Variants in ADAMTSL3 observed in about 807,000 individuals in gnomAD.
The protein encoded by ADAMTSL3 is ADAMTS like 3, also known as ADAMTS-like protein 3.
ADAMTSL3 carries 128 observed loss-of-function variants against 201.7 expected under a neutral mutation model. The ratio of observed to expected loss-of-function variants is 0.63; its 90% CI spans 0.55 to 0.73. The LOEUF (loss-of-function observed/expected upper bound fraction) is 0.73. ADAMTSL3 is among the 30% of genes least tolerant of loss of function. The pLI is 0.00. For missense variants in ADAMTSL3, 1,990 were observed against 2,119.6 expected, an observed-to-expected ratio of 0.94 and a Z score of 1.20; for synonymous variants, 738 against 748.4, an observed-to-expected ratio of 0.99 and a Z score of 0.23.
At chr15:83,959,849 C>T (rs933584288) in intron 19 of ADAMTSL3, among the ~76,000 whole-genome samples, 2 of 152,154 alleles carry the variant, frequency 1.3e-5, no homozygotes, top group Non-Finnish European at 1.5e-5. Context: ...ACTTAGCAGA[C>T]ACACAGTCAC....
intron 2 of ADAMTSL3, among the ~76,000 whole-genome samples, chr15:83,702,553 G>A (rs1370453965): frequency 6.6e-6 from 1 of 152,184 alleles, no homozygotes; most frequent in Admixed American, 6.5e-5. Flanking sequence ...TGTCCCAGCT[G>A]CTCCAGCTAT....
At chr15:83,661,188 T>G (rs898470078) in intron 2 of ADAMTSL3, among the ~76,000 whole-genome samples, 10 of 152,196 alleles carry the variant, frequency 6.6e-5, no homozygotes, top group African/African-American at 1.9e-4. Context: ...ACTGTAGCCT[T>G]GTAGTATAGT....
At chr15:83,999,232 A>G (rs1399808404) in intron 23 of ADAMTSL3, among the ~76,000 whole-genome samples, 2 of 152,244 alleles carry the variant, frequency 1.3e-5, no homozygotes, top group Non-Finnish European at 2.9e-5. Context: ...TCATTGTGTG[A>G]ATGTAGCATA....
At chr15:83,780,077 A>G in intron 4 of ADAMTSL3, among the ~76,000 whole-genome samples, 1 of 152,136 alleles carries the variant, frequency 6.6e-6, no homozygotes. Flanking sequence ...AATAAATCAG[A>G]GCTGAACTGA....
In ADAMTSL3 at chr15:83,820,119, T is replaced by C. The variant is rs142708568; in HGVS notation, c.600+72T>C. On this transcript the variant is annotated intron_variant, in intron 6 of 29. Transcript: ENST00000286744. ...CCTACTGTCAATAAACAGAACCCTT[T>C]TCTTCTGTATTTTTGTTCATGCAGA... is the stretch of plus-strand genomic sequence containing the variant. The C allele has an allele frequency of 2.3e-5, 30 of 1,329,556 alleles. No individual in the cohort carries two copies. In the East Asian group the frequency reaches 6.9e-4, roughly 31 times the overall value. The allele number at this position is 1,329,556 out of a possible 1,614,324, so 82.4% of individuals were successfully genotyped here.
At chr15:83,914,076 GA>G (rs1349210925) in intron 16 of ADAMTSL3, among the ~76,000 whole-genome samples, 1 of 152,222 alleles carries the variant, frequency 6.6e-6, no homozygotes, top group Non-Finnish European at 1.5e-5. Context: ...TTACTTACAT[GA>G]AGGAGACTGG....
At chr15:83,935,459 A>G (rs75469163) in intron 17 of ADAMTSL3, among the ~76,000 whole-genome samples, 216 of 152,236 alleles carry the variant, frequency 1.4e-3, no homozygotes, top group Non-Finnish European at 2.6e-3. Flanking sequence ...GAAGAAAGAG[A>G]CTTATCAAAG....
At chr15:83,810,948 A>G (rs2063684978) in intron 5 of ADAMTSL3, among the ~76,000 whole-genome samples, 1 of 152,138 alleles carries the variant, frequency 6.6e-6, no homozygotes, top group African/African-American at 2.4e-5. Context: ...CATATTGGCC[A>G]GGCTGGTCTT....
chr15:83,789,091 A>G (rs1037327304), intron 4 of ADAMTSL3, among the ~76,000 whole-genome samples: 4 of 152,144 alleles, frequency 2.6e-5, no homozygotes, highest in Non-Finnish European at 4.4e-5. Context: ...GATTACAGGC[A>G]TGAGCCACCA....
intron 4 of ADAMTSL3, among the ~76,000 whole-genome samples, chr15:83,788,739 C>T (rs1202025592): frequency 6.6e-6 from 1 of 152,110 alleles, no homozygotes; most frequent in Non-Finnish European, 1.5e-5. Flanking sequence ...TATAAAAACT[C>T]ATTCTCTTCA....
intron 3 of ADAMTSL3, among the ~76,000 whole-genome samples, chr15:83,760,777 CT>C (rs2062796459): frequency 1.3e-5 from 2 of 152,066 alleles, no homozygotes; most frequent in African/African-American, 4.8e-5. Context: ...ATTAGTGTGA[CT>C]AAGCCAGATT....
At chr15:83,907,543 G>C (rs1485286018) in intron 15 of ADAMTSL3, among the ~76,000 whole-genome samples, 3 of 152,098 alleles carry the variant, frequency 2.0e-5, no homozygotes, top group Non-Finnish European at 4.4e-5. Flanking sequence ...AGAACTGCAG[G>C]CATGCACCAC....
rs1410760683 is a variant in ADAMTSL3 at position 83,680,506 on chromosome 15, AGTT to A, written c.70-23876_70-23874del. Among the ~76,000 whole-genome samples the A allele has an allele frequency of 2.9e-3, 386 of 133,792 alleles. 2 individuals carry two copies. The highest frequency in any genetic ancestry group is 0.01 in the African/African-American group (365 of 35,468). The allele number at this position is 133,792 out of a possible 152,430, so 87.8% of individuals were successfully genotyped here. On this transcript the variant is annotated intron_variant, in intron 2 of 29. Transcript: ENST00000286744. Reference sequence around the variant, plus strand: ...TCCTAATTTTTGATTGGCACACCTTAGTTGTTGTTTTTTTTTTTTTTGACTTAG... The same window carrying A: ...TCCTAATTTTTGATTGGCACACCTTAGTTGTTTTTTTTTTTTTTGACTTAG...
In ADAMTSL3 at chr15:83,692,066, A is replaced by G. The variant is rs568332943; in HGVS notation, c.70-12323A>G. 4.6e-4 allele frequency among the ~76,000 whole-genome samples: 70 copies of G among 152,218 alleles called. 1 individual carries two copies. Among genetic ancestry groups the G allele is most frequent in the Admixed American group, 4.3e-3 (65 of 15,292 alleles). On this transcript the variant is annotated intron_variant, in intron 2 of 29. Transcript: ENST00000286744. Reference sequence around the variant, plus strand: ...AAGTCAGAAACCTGTATTGCACCCAACACACTGCTTGGATCATAGACTGTA... The same window carrying G: ...AAGTCAGAAACCTGTATTGCACCCAGCACACTGCTTGGATCATAGACTGTA...
intron 19 of ADAMTSL3, among the ~76,000 whole-genome samples, chr15:83,953,975 C>T (rs1246675836): frequency 2.0e-5 from 3 of 152,032 alleles, no homozygotes; most frequent in Non-Finnish European, 2.9e-5. Flanking sequence ...TACCCTTGAC[C>T]TTTGGGAGTT....
intron 2 of ADAMTSL3, among the ~76,000 whole-genome samples, chr15:83,664,385 A>G (rs2061219554): frequency 6.6e-6 from 1 of 151,982 alleles, no homozygotes. Flanking sequence ...ATGAGCTACC[A>G]TGCACCAGAA....
rs866337350 is a variant in ADAMTSL3, at chr15:83,986,094, G to A, written c.3717-2597G>A. Among the ~76,000 whole-genome samples, 6 of 152,228 alleles carry A rather than the reference G, an allele frequency of 3.9e-5. 1 individual carries two copies. In the Middle Eastern group the frequency reaches 0.017, roughly 431 times the overall value. On this transcript the variant is annotated intron_variant, in intron 21 of 29. Coordinates refer to ENST00000286744, the MANE Select transcript of ADAMTSL3 (RefSeq NM_207517.3). Reference sequence around the variant, plus strand: ...CTGCCTTTGCACTCTCAGTGCAAAGGTCAATACCGTTTTTAAAAAGGCTAA... The same window carrying A: ...CTGCCTTTGCACTCTCAGTGCAAAGATCAATACCGTTTTTAAAAAGGCTAA...
chr15:83,688,861 TGTA>T (rs1241659209), intron 2 of ADAMTSL3, among the ~76,000 whole-genome samples: 1 of 152,004 alleles, frequency 6.6e-6, no homozygotes, highest in Non-Finnish European at 1.5e-5. Context: ...CAGGCTAGAG[TGTA>T]GTGGCATGAT....
At chr15:83,847,749 C>T (rs899909618) in intron 7 of ADAMTSL3, among the ~76,000 whole-genome samples, 11 of 152,080 alleles carry the variant, frequency 7.2e-5, no homozygotes, top group African/African-American at 2.7e-4. Context: ...CTTGCATCAG[C>T]CTCCCAAAGT....
Sources: gnomAD v4.1 joint callset for allele counts (sites outside exome capture counted in the v4.1 genomes callset) on GRCh38, gnomAD v4.1.1 for gene constraint, MANE v1.5 for transcripts, NCBI Gene and HGNC (gene_info 2026-07-23, HGNC 2026-07-21) for gene names.